The following LINGO1 variants were observed in gnomAD, a reference collection of about 807,000 sequenced individuals.
LINGO1 encodes leucine-rich repeat and immunoglobulin-like domain-containing nogo receptor-interacting protein 1.
LINGO1 carries 11 observed loss-of-function variants against 37.3 expected under a neutral mutation model. That is an observed-to-expected ratio of 0.29 (90% CI 0.19 to 0.49). The LOEUF (loss-of-function observed/expected upper bound fraction) is 0.49, where lower values mean the gene tolerates loss of function less well. LINGO1 is among the 20% of genes least tolerant of loss of function. The pLI, the probability that LINGO1 is intolerant of heterozygous loss-of-function variation, is 0.99. For synonymous variants in LINGO1, 387 were observed against 403.0 expected (o/e 0.96, Z 0.48); for missense variants, 585 against 878.2 (o/e 0.67, Z 4.22).
intron 1 of LINGO1, among the ~76,000 whole-genome samples, chr15:77,777,458 C>CAGATTTTGGACATAT (rs750986483): frequency 7.6e-6 from 1 of 130,770 alleles, no homozygotes; most frequent in African/African-American, 3.1e-5. Context: ...TGGACATATA[C>CAGATTTTGGACATAT]ACACACGCAC....
chr15:77,774,020 A>T (rs1311895137), intron 1 of LINGO1, among the ~76,000 whole-genome samples: 1 of 152,100 alleles, frequency 6.6e-6, no homozygotes, highest in African/African-American at 2.4e-5. Flanking sequence ...AAGTCCCCAC[A>T]TGGGGAGCCC....
At chr15:77,741,307 G>A (rs2076261759) in intron 1 of LINGO1, among the ~76,000 whole-genome samples, 1 of 152,172 alleles carries the variant, frequency 6.6e-6, no homozygotes, top group Non-Finnish European at 1.5e-5. Flanking sequence ...GAGCCTTTAG[G>A]GAACCAACCC....
At chr15:77,662,362 A>T (rs985620866) in intron 3 of LINGO1, among the ~76,000 whole-genome samples, 1 of 152,154 alleles carries the variant, frequency 6.6e-6, no homozygotes, top group Admixed American at 6.5e-5. Flanking sequence ...AGAGGGAGGA[A>T]GGATGGGGTT....
rs1381588807 is a variant in LINGO1 at position 77,794,590 on chromosome 15, A to ATATT, written c.-343+1348_-343+1349insAATA. ...CACACACATATATATATATATATAT[A>ATATT]TTTTTTTTTTTTTTTGAGACGGAGT... is the stretch of plus-strand genomic sequence containing the variant. On this transcript the variant is annotated intron_variant, in intron 2 of 5. Transcript: ENST00000562933. Among the ~76,000 whole-genome samples, 11 of 93,502 alleles carry ATATT rather than the reference A, an allele frequency of 1.2e-4. 1 individual carries two copies. Among genetic ancestry groups the ATATT allele is most frequent in the African/African-American group, 4.1e-4 (10 of 24,414 alleles). 61.3% of individuals were successfully genotyped at this position (93,502 alleles called of 152,430 possible).
intron 1 of LINGO1, among the ~76,000 whole-genome samples, chr15:77,763,673 T>G (rs923681718): frequency 2.6e-5 from 4 of 152,044 alleles, no homozygotes; most frequent in African/African-American, 9.7e-5. Context: ...ATTATCTAAC[T>G]CAGCCCTCCA....
chr15:77,800,182 C>A (rs1399958818), intron 1 of LINGO1, among the ~76,000 whole-genome samples: 1 of 152,176 alleles, frequency 6.6e-6, no homozygotes, highest in Non-Finnish European at 1.5e-5. Flanking sequence ...CAGGCCAGGG[C>A]CTCCCCTTCC....
At chr15:77,656,121 C>T (rs1180811991) in intron 3 of LINGO1, among the ~76,000 whole-genome samples, 1 of 152,162 alleles carries the variant, frequency 6.6e-6, no homozygotes. Context: ...CCAGAAAGGG[C>T]CCAAAGAGTT....
chr15:77,711,463 T>G (rs1407818449), intron 2 of LINGO1, among the ~76,000 whole-genome samples: 2 of 152,166 alleles, frequency 1.3e-5, no homozygotes, highest in Admixed American at 1.3e-4. Context: ...CAAGTAGGCC[T>G]GAGGCCTGCA....
At chr15:77,763,896 T>TC (rs914922952) in intron 1 of LINGO1, among the ~76,000 whole-genome samples, 9 of 151,686 alleles carry the variant, frequency 5.9e-5, no homozygotes, top group African/African-American at 1.9e-4. Context: ...TGGCCGCTCA[T>TC]CCCCCCTTCC....
intron 2 of LINGO1, among the ~76,000 whole-genome samples, chr15:77,687,500 C>T (rs1596108964): frequency 3.3e-5 from 5 of 152,346 alleles, no homozygotes; most frequent in Admixed American, 2.6e-4. Flanking sequence ...CCTGGTTAGG[C>T]TGGTCCTATG....
chr15:77,655,039 C>A (rs1701414023), intron 3 of LINGO1, among the ~76,000 whole-genome samples: 1 of 152,154 alleles, frequency 6.6e-6, no homozygotes, highest in Non-Finnish European at 1.5e-5. Flanking sequence ...TCCCACTCAG[C>A]CCCTAGGGGA....
Position 77,626,248 on chromosome 15 carries a change from G to A in LINGO1, c.6+6062C>T, listed in dbSNP as rs375153269. Among the ~76,000 whole-genome samples the A allele has an allele frequency of 4.0e-5, 6 of 148,396 alleles. No homozygotes were observed. In the East Asian group the frequency reaches 7.8e-4, roughly 19 times the overall value. On this transcript the variant is annotated intron_variant, in intron 1 of 1. Coordinates refer to ENST00000355300, the MANE Select transcript of LINGO1 (RefSeq NM_032808.7). Reference sequence around the variant, plus strand: ...AAGGGTCACATGGCCACCCCATGGCGGGGCTGGGTCAGGGACAGGTGAGAG... The same window carrying A: ...AAGGGTCACATGGCCACCCCATGGCAGGGCTGGGTCAGGGACAGGTGAGAG...
At chr15:77,818,381 T>G (rs958691420) in intron 1 of LINGO1, among the ~76,000 whole-genome samples, 25 of 152,178 alleles carry the variant, frequency 1.6e-4, no homozygotes, top group Admixed American at 1.5e-3. Context: ...AGGCAGCCAG[T>G]ACAGGTCCAG....
intron 2 of LINGO1, among the ~76,000 whole-genome samples, chr15:77,704,448 C>T (rs2075823783): frequency 6.6e-6 from 1 of 151,864 alleles, no homozygotes; most frequent in African/African-American, 2.4e-5. Flanking sequence ...CCTGGTCAGA[C>T]ACTGAGTCCC....
intron 1 of LINGO1, among the ~76,000 whole-genome samples, chr15:77,761,764 G>A (rs1596199985): frequency 6.6e-6 from 1 of 152,218 alleles, no homozygotes; most frequent in South Asian, 2.1e-4. Context: ...CTAGGTGTCT[G>A]TAGCCTCTCT....
At chr15:77,650,460 C>T (rs1425267154) in intron 3 of LINGO1, among the ~76,000 whole-genome samples, 2 of 152,186 alleles carry the variant, frequency 1.3e-5, no homozygotes, top group Non-Finnish European at 2.9e-5. Flanking sequence ...GCCATAGCAA[C>T]CCTGGGCATC....
At chr15:77,711,543 G>A (rs532633100) in intron 2 of LINGO1, among the ~76,000 whole-genome samples, 1 of 152,348 alleles carries the variant, frequency 6.6e-6, no homozygotes, top group African/African-American at 2.4e-5. Context: ...AAGACAGGGA[G>A]GCTGAGGAAC....
At chr15:77,775,208 C>G (rs2076625323) in intron 1 of LINGO1, among the ~76,000 whole-genome samples, 1 of 152,152 alleles carries the variant, frequency 6.6e-6, no homozygotes, top group South Asian at 2.1e-4. Context: ...TTCAAGCCCC[C>G]ACTTGATGAT....
chr15:77,707,353 A>G (rs987694031), intron 2 of LINGO1: 4 of 152,248 alleles, frequency 2.6e-5, no homozygotes, highest in Admixed American at 6.5e-5. Flanking sequence ...TACATGCCCA[A>G]TGATGGGCAC....
Sources: allele counts gnomAD v4.1 joint callset (sites outside exome capture counted in the v4.1 genomes callset), GRCh38; gene constraint gnomAD v4.1.1; transcripts MANE v1.5; gene names NCBI Gene and HGNC (gene_info 2026-07-23, HGNC 2026-07-21).